The following ARHGEF7 variants were observed in gnomAD, a reference collection of about 807,000 sequenced individuals.
ARHGEF7 encodes PAK-interacting exchange factor beta.
Under a neutral mutation model 109.8 loss-of-function variants are expected in ARHGEF7, and 33 were observed. The observed-to-expected ratio is 0.30, with a 90% CI of 0.23 to 0.40. The LOEUF is 0.40. Among genes scored for constraint, ARHGEF7 ranks in the 10% least tolerant of loss-of-function variants. ARHGEF7 has a pLI of 1.00. For synonymous variants in ARHGEF7, 458 were observed against 424.6 expected (o/e 1.08, Z -0.97); for missense variants, 938 against 1,098.5 (o/e 0.85, Z 2.07).
intron 1 of ARHGEF7, chr13:111,144,100 C>T (rs942245286): frequency 6.6e-6 from 1 of 152,174 alleles, no homozygotes; most frequent in Non-Finnish European, 1.5e-5. Context: ...TCTTGTTGGT[C>T]TCTCTTTGAC....
intron 2 of ARHGEF7, among the ~76,000 whole-genome samples, chr13:111,164,733 A>G (rs149389418): frequency 1.0e-3 from 152 of 152,304 alleles, no homozygotes; most frequent in African/African-American, 3.5e-3. Flanking sequence ...AGCTGTCTCA[A>G]GTTGTTACCA....
intron 6 of ARHGEF7, among the ~76,000 whole-genome samples, chr13:111,238,882 C>G (rs1420767362): frequency 6.6e-6 from 1 of 151,984 alleles, no homozygotes; most frequent in African/African-American, 2.4e-5. Context: ...TCCGTTCTCA[C>G]GCTGCTGTGA....
intron 2 of ARHGEF7, chr13:111,182,747 GT>G (rs1328573974): frequency 7.9e-5 from 12 of 152,240 alleles, no homozygotes; most frequent in African/African-American, 2.9e-4. Flanking sequence ...CCTAGCATCT[GT>G]GGGCTCATAC....
chr13:111,267,420 G>A (rs2091750854), intron 8 of ARHGEF7, 128 bp from the exon 9 acceptor site: 13 of 1,241,720 alleles, frequency 1.0e-5, no homozygotes, highest in Non-Finnish European at 1.5e-5. Context: ...CTGGGATCGG[G>A]GCCTCTGGTT....
intron 1 of ARHGEF7, among the ~76,000 whole-genome samples, chr13:111,149,739 A>G (rs186654774): frequency 6.6e-6 from 1 of 152,362 alleles, no homozygotes; most frequent in East Asian, 1.9e-4. Context: ...TCTCAGTCAT[A>G]AGTACACACA....
chr13:111,213,851 T>C (rs1008159545), intron 4 of ARHGEF7, among the ~76,000 whole-genome samples: 7 of 152,166 alleles, frequency 4.6e-5, no homozygotes, highest in Non-Finnish European at 1.5e-5. Context: ...AACGTGGTAG[T>C]ATAGAGTGTG....
chr13:111,274,816 C>G, intron 11 of ARHGEF7, 26 bp downstream of exon 11: 3 of 1,362,326 alleles, frequency 2.2e-6, no homozygotes, highest in Non-Finnish European at 2.9e-6. Context: ...TATTGTTTTC[C>G]CCCCCAGACA....
intron 8 of ARHGEF7, chr13:111,265,823 A>G (rs182712606): frequency 2.3e-4 from 99 of 435,310 alleles, no homozygotes; most frequent in African/African-American, 1.8e-3. Context: ...TGAGGATGCA[A>G]TAGGGGACCA....
At chr13:111,302,842 G>A (rs747148961) in intron 21 of ARHGEF7, 149 bp from the exon 22 acceptor site, 80 of 971,382 alleles carry the variant, frequency 8.2e-5, no homozygotes, top group African/African-American at 2.1e-4. Flanking sequence ...TTTGACCTTC[G>A]TGGATCCCCA....
At chr13:111,262,764 T>A (rs2091243951) in intron 8 of ARHGEF7, among the ~76,000 whole-genome samples, 1 of 152,248 alleles carries the variant, frequency 6.6e-6, no homozygotes, top group Non-Finnish European at 1.5e-5. Flanking sequence ...CCTTTCACCT[T>A]GTGCTGTTGC....
Position 111,194,092 on chromosome 13 carries a change from G to A in ARHGEF7, c.253-11197G>A, listed in dbSNP as rs368802736. ...CTCTGACGCTAAGACGGCCACCGCC[G>A]CAACTACCCTTAAACAGTGAGGCCA... On this transcript the variant is annotated intron_variant, in intron 2 of 21. Transcript: ENST00000646102. 2.4e-3 allele frequency among the ~76,000 whole-genome samples: 359 copies of A among 152,236 alleles called. 1 individual carries two copies. Among genetic ancestry groups the A allele is most frequent in the African/African-American group, 8.2e-3 (342 of 41,524 alleles).
Position 111,244,183 on chromosome 13 carries a change from T to C in ARHGEF7, c.855-16T>C, listed in dbSNP as rs1285333702. The C allele has an allele frequency of 2.6e-6, 4 of 1,545,164 alleles. No individual in the cohort carries two copies. Among genetic ancestry groups the C allele is most frequent in the Non-Finnish European group, 3.5e-6 (4 of 1,129,386 alleles). ...AACTGTTTACATATGTTTACTGTTA[T>C]TTTTCTTGGCTCTAGGTTAAGTTCA... On this transcript the variant is annotated splice_polypyrimidine_tract_variant and intron_variant, in intron 7 of 21. Transcript: ENST00000646102.
chr13:111,244,322 A>T (rs754491140), intron 8 of ARHGEF7, 28 bp downstream of exon 8: 3 of 1,393,014 alleles, frequency 2.2e-6, no homozygotes, highest in Non-Finnish European at 3.0e-6. Flanking sequence ...AATTTGCAAC[A>T]CTCAGGTTGG....
At chr13:111,290,621 G>A (rs921196474) in intron 18 of ARHGEF7, among the ~76,000 whole-genome samples, 5 of 152,214 alleles carry the variant, frequency 3.3e-5, no homozygotes, top group East Asian at 1.9e-4. Context: ...GCGGCTTCAC[G>A]GCCCCTGGCT....
In ARHGEF7 at chr13:111,301,543, AT is replaced by A. The variant is rs1567135727; in HGVS notation, c.2466+12del. 6.3e-7 allele frequency: 1 copy of A among 1,597,918 alleles called. No individual in the cohort carries two copies. The highest frequency in any genetic ancestry group is 8.6e-7 in the Non-Finnish European group (1 of 1,167,644). ...CAAGAATTAAGACAGGTACGTCATA[AT>A]CCATCTTTAAATCTTTTTTTTCTTT... On this transcript the variant is annotated intron_variant, in intron 21 of 21. Coordinates refer to ENST00000646102, the MANE Select transcript of ARHGEF7 (RefSeq NM_001354046.2).
intron 1 of ARHGEF7, among the ~76,000 whole-genome samples, chr13:111,126,753 AATAACCTG>A (rs1235027314): frequency 1.3e-5 from 2 of 152,198 alleles, no homozygotes; most frequent in African/African-American, 4.8e-5. Flanking sequence ...TCTTCAAACA[AATAACCTG>A]GAGTCATAAG....
intron 1 of ARHGEF7, among the ~76,000 whole-genome samples, chr13:111,142,031 G>T (rs2075371388): frequency 6.6e-6 from 1 of 152,194 alleles, no homozygotes; most frequent in South Asian, 2.1e-4. Context: ...TAATAGGTAT[G>T]CAGTGGCATC....
chr13:111,221,464 GACA>G (rs2084185175), intron 5 of ARHGEF7, among the ~76,000 whole-genome samples: 3 of 43,736 alleles, frequency 6.9e-5, no homozygotes, highest in African/African-American at 3.5e-4. Flanking sequence ...TAGATATATA[GACA>G]TCTATATATA....
chr13:111,282,290 C>G lies in ARHGEF7; in HGVS notation c.1726-849C>G, dbSNP rs547187611. 4.8e-4 allele frequency among the ~76,000 whole-genome samples: 73 copies of G among 152,290 alleles called. 1 individual carries two copies. The South Asian group carries it at 0.014, about 30-fold the overall frequency. Reference sequence around the variant, plus strand: ...TCACAGCGCCACACAGCTTGTTCTCCCATTAAATGCACCTTACTATTGTTG... The same window carrying G: ...TCACAGCGCCACACAGCTTGTTCTCGCATTAAATGCACCTTACTATTGTTG... On this transcript the variant is annotated intron_variant, in intron 15 of 21. Transcript: ENST00000646102.
Sources: gnomAD v4.1 joint callset for allele counts (sites outside exome capture counted in the v4.1 genomes callset) on GRCh38, gnomAD v4.1.1 for gene constraint, MANE v1.5 for transcripts, NCBI Gene and HGNC (gene_info 2026-07-23, HGNC 2026-07-21) for gene names.